The following CFAP299 variants were observed in gnomAD, a reference collection of about 807,000 sequenced individuals.
The protein encoded by CFAP299 is cilia- and flagella-associated protein 299.
CFAP299 carries 21 observed loss-of-function variants against 27.0 expected under a neutral mutation model. That is an observed-to-expected ratio of 0.78 (90% CI 0.55 to 1.12). The LOEUF (loss-of-function observed/expected upper bound fraction) is 1.12, where lower values mean the gene tolerates loss of function less well. Among genes scored for constraint, CFAP299 ranks in the 50% most tolerant of loss-of-function variants. The pLI, the probability that CFAP299 is intolerant of heterozygous loss-of-function variation, is 0.00. For synonymous variants in CFAP299, 104 were observed against 98.1 expected (o/e 1.06, Z -0.36); for missense variants, 310 against 276.6 (o/e 1.12, Z -0.86).
chr4:80,747,391 C>T (rs1049650424), intron 3 of CFAP299, among the ~76,000 whole-genome samples: 4 of 151,984 alleles, frequency 2.6e-5, no homozygotes, highest in Non-Finnish European at 4.4e-5. Flanking sequence ...AGTATTTCAG[C>T]TTCATTATAA....
chr4:80,809,423 A>G (rs1187709326), intron 3 of CFAP299, among the ~76,000 whole-genome samples: 1 of 152,172 alleles, frequency 6.6e-6, no homozygotes, highest in Admixed American at 6.6e-5. Context: ...ATGATGTTTT[A>G]TACTTTTTCT....
chr4:80,583,135 G>T lies in CFAP299; in HGVS notation c.285G>T (p.Leu95=). The T allele has an allele frequency of 6.2e-7, 1 of 1,605,924 alleles. No individual in the cohort carries two copies. The highest frequency in any genetic ancestry group is 1.1e-5 in the South Asian group (1 of 90,108). ...GTAAAGACCTACAAGATAATTTTCT[G>T]ACGGCCCTGGCAATGAGAGAAGAAG... ...SAGKDLQDNF[L]TALAMREEDN... The change falls in exon 3 of 6, where the codon CTG becomes CTT. Residue 95 remains leucine, a synonymous_variant. Transcript: ENST00000358105.
At chr4:80,472,652 C>T (rs1311095951) in intron 2 of CFAP299, among the ~76,000 whole-genome samples, 2 of 152,090 alleles carry the variant, frequency 1.3e-5, no homozygotes, top group African/African-American at 4.8e-5. Context: ...GAGTGGCAGC[C>T]GGCTGGACAG....
chr4:80,488,685 C>T (rs1411964241), intron 2 of CFAP299, among the ~76,000 whole-genome samples: 5 of 152,120 alleles, frequency 3.3e-5, no homozygotes, highest in African/African-American at 9.7e-5. Context: ...ACCGTGTTAG[C>T]CAGGATGGTC....
At chr4:80,374,780 G>A (rs1578369510) in intron 2 of CFAP299, among the ~76,000 whole-genome samples, 1 of 152,166 alleles carries the variant, frequency 6.6e-6, no homozygotes, top group East Asian at 1.9e-4. Context: ...AATAGACTCT[G>A]TGCCTCTTGA....
chr4:80,504,878 CCCT>C (rs1318000595), intron 2 of CFAP299, among the ~76,000 whole-genome samples: 1 of 146,446 alleles, frequency 6.8e-6, no homozygotes, highest in Non-Finnish European at 1.5e-5. Context: ...ATATTCATCC[CCCT>C]ATTTTATATG....
chr4:80,446,109 A>G (rs1728602680), intron 2 of CFAP299, among the ~76,000 whole-genome samples: 3 of 152,186 alleles, frequency 2.0e-5, no homozygotes, highest in Admixed American at 1.3e-4. Context: ...ATTTGAGAGC[A>G]ATGAGGAAGA....
chr4:80,401,724 G>A (rs941660463), intron 2 of CFAP299, among the ~76,000 whole-genome samples: 1 of 152,314 alleles, frequency 6.6e-6, no homozygotes, highest in Admixed American at 6.5e-5. Context: ...TCACTGCCTA[G>A]TGGAGCTGTG....
intron 2 of CFAP299, among the ~76,000 whole-genome samples, chr4:80,563,114 A>G (rs1022969250): frequency 6.6e-6 from 1 of 152,100 alleles, no homozygotes; most frequent in African/African-American, 2.4e-5. Context: ...TTTCAACACC[A>G]CACTTTCAGC....
intron 3 of CFAP299, among the ~76,000 whole-genome samples, chr4:80,727,347 C>T (rs1452697099): frequency 6.6e-6 from 1 of 151,710 alleles, no homozygotes; most frequent in Non-Finnish European, 1.5e-5. Context: ...GCTAGAATAC[C>T]TTCATAAAGT....
chr4:80,729,279 C>T (rs1235777728), intron 3 of CFAP299, among the ~76,000 whole-genome samples: 1 of 152,160 alleles, frequency 6.6e-6, no homozygotes, highest in Non-Finnish European at 1.5e-5. Flanking sequence ...TTAACCCATG[C>T]CTGAAAATAA....
chr4:80,882,263 C>T (rs1263066132), intron 4 of CFAP299, among the ~76,000 whole-genome samples: 4 of 151,940 alleles, frequency 2.6e-5, no homozygotes, highest in African/African-American at 9.7e-5. Context: ...CCAAAGGAAC[C>T]CAAATAGGTT....
At chr4:80,668,709 G>C (rs1030504693) in intron 3 of CFAP299, among the ~76,000 whole-genome samples, 2 of 152,090 alleles carry the variant, frequency 1.3e-5, no homozygotes, top group African/African-American at 4.8e-5. Context: ...TTATAGCTTT[G>C]TAGAATATTT....
chr4:80,953,169 C>T (rs887396828), intron 5 of CFAP299, among the ~76,000 whole-genome samples: 2 of 152,198 alleles, frequency 1.3e-5, no homozygotes, highest in Middle Eastern at 3.2e-3. Context: ...AACTGCACTA[C>T]AAGACTAAAT....
chr4:80,823,712 C>T (rs1157948019), intron 3 of CFAP299, among the ~76,000 whole-genome samples: 1 of 152,240 alleles, frequency 6.6e-6, no homozygotes, highest in Non-Finnish European at 1.5e-5. Flanking sequence ...ACGTTAAGTA[C>T]TCTGCATAGA....
chr4:80,394,965 C>G (rs1725700040), intron 2 of CFAP299, among the ~76,000 whole-genome samples: 1 of 151,850 alleles, frequency 6.6e-6, no homozygotes, highest in Non-Finnish European at 1.5e-5. Context: ...TGTGAAAATT[C>G]CATTGGAATT....
chr4:80,622,396 T>C (rs1277678894), intron 3 of CFAP299, among the ~76,000 whole-genome samples: 1 of 152,162 alleles, frequency 6.6e-6, no homozygotes, highest in Non-Finnish European at 1.5e-5. Flanking sequence ...CTGGACTGGG[T>C]CATCCCCAGC....
intron 2 of CFAP299, among the ~76,000 whole-genome samples, chr4:80,391,364 A>G (rs533801971): frequency 1.9e-4 from 29 of 152,258 alleles, no homozygotes; most frequent in African/African-American, 6.7e-4. Flanking sequence ...TTTTCTCCAC[A>G]TACTTGCCAA....
chr4:80,889,539 A>G (rs1734145196), intron 4 of CFAP299, among the ~76,000 whole-genome samples: 1 of 152,086 alleles, frequency 6.6e-6, no homozygotes, highest in South Asian at 2.1e-4. Context: ...GAATTTTACC[A>G]GAAATTTAAT....
Sources: gnomAD v4.1 joint callset for allele counts (sites outside exome capture counted in the v4.1 genomes callset) on GRCh38, gnomAD v4.1.1 for gene constraint, MANE v1.5 for transcripts, NCBI Gene and HGNC (gene_info 2026-07-23, HGNC 2026-07-21) for gene names.